The following PSMA1 variants were observed in gnomAD, a reference collection of about 807,000 sequenced individuals.
PSMA1 encodes proteasome subunit alpha type-1.
In PSMA1, 3 loss-of-function variants were observed where a neutral mutation model predicts 38.4. The observed-to-expected ratio is 0.08, with a 90% CI of 0.04 to 0.20. PSMA1 has a LOEUF of 0.20. PSMA1 is among the 10% of genes least tolerant of loss of function. The pLI is 1.00. For missense variants in PSMA1, 227 were observed against 325.3 expected, an observed-to-expected ratio of 0.70 and a Z score of 2.32; for synonymous variants, 101 against 107.1, an observed-to-expected ratio of 0.94 and a Z score of 0.35.
chr11:14,605,296 G>T (rs1161701536), intron 2 of PSMA1, among the ~76,000 whole-genome samples: 1 of 152,162 alleles, frequency 6.6e-6, no homozygotes, highest in Non-Finnish European at 1.5e-5. Flanking sequence ...TTTCTCTGAG[G>T]ATAGCGATGT....
At chr11:14,638,562 TA>T (rs1853149011) in intron 1 of PSMA1, among the ~76,000 whole-genome samples, 1 of 14,718 alleles carries the variant, frequency 6.8e-5, no homozygotes, top group African/African-American at 2.2e-4. Context: ...TATATATATA[TA>T]TATATATATA....
At chr11:14,559,294 T>G (rs1262980734) in intron 2 of PSMA1, among the ~76,000 whole-genome samples, 2 of 152,094 alleles carry the variant, frequency 1.3e-5, no homozygotes, top group Non-Finnish European at 2.9e-5. Context: ...AAGTTGAAGA[T>G]GTAGTGGGTT....
intron 1 of PSMA1, chr11:14,520,014 C>T: frequency 1.8e-6 from 1 of 563,616 alleles, no homozygotes; most frequent in South Asian, 2.1e-5. Flanking sequence ...TCAGAATCTA[C>T]TCCACTGAAG....
At chr11:14,608,181 T>A (rs1852665634) in intron 2 of PSMA1, among the ~76,000 whole-genome samples, 1 of 152,026 alleles carries the variant, frequency 6.6e-6, no homozygotes. Context: ...TGAGACTTCA[T>A]CTCTACAAAA....
chr11:14,554,582 T>C (rs543993006), intron 2 of PSMA1, among the ~76,000 whole-genome samples: 2 of 152,164 alleles, frequency 1.3e-5, no homozygotes, highest in Non-Finnish European at 2.9e-5. Flanking sequence ...TTTTCTCCAT[T>C]GAATTTTTTT....
At chr11:14,593,652 GAGAGAGA>G (rs1565053239) in intron 2 of PSMA1, among the ~76,000 whole-genome samples, 6 of 149,540 alleles carry the variant, frequency 4.0e-5, no homozygotes, top group African/African-American at 1.5e-4. Flanking sequence ...GAGAGAGAGA[GAGAGAGA>G]GAGCGCCAGC....
At chr11:14,540,877 A>C (rs1464817671) in intron 2 of PSMA1, among the ~76,000 whole-genome samples, 1 of 152,094 alleles carries the variant, frequency 6.6e-6, no homozygotes, top group African/African-American at 2.4e-5. Flanking sequence ...CCTGGTATGA[A>C]AAATGTTATA....
At chr11:14,640,750 T>C (rs1853189234) in intron 1 of PSMA1, among the ~76,000 whole-genome samples, 1 of 152,208 alleles carries the variant, frequency 6.6e-6, no homozygotes, top group South Asian at 2.1e-4. Context: ...AGGTCGTAAA[T>C]GTTAATTATT....
intron 1 of PSMA1, among the ~76,000 whole-genome samples, chr11:14,625,849 T>C (rs1310141634): frequency 6.6e-6 from 1 of 152,246 alleles, no homozygotes; most frequent in Non-Finnish European, 1.5e-5. Context: ...GCACGTCTAA[T>C]TCTGTTTTGG....
intron 2 of PSMA1, among the ~76,000 whole-genome samples, chr11:14,599,611 C>A (rs555851253): frequency 2.0e-5 from 3 of 152,302 alleles, no homozygotes; most frequent in Admixed American, 2.0e-4. Context: ...GGTCTTCTCT[C>A]TGCTGTTTAT....
chr11:14,563,773 G>T (rs1383171447), intron 2 of PSMA1, among the ~76,000 whole-genome samples: 3 of 152,000 alleles, frequency 2.0e-5, no homozygotes, highest in Non-Finnish European at 4.4e-5. Flanking sequence ...TCTCCTAAAT[G>T]GTTCCCTATT....
chr11:14,569,545 G>A (rs1006027001), intron 2 of PSMA1, among the ~76,000 whole-genome samples: 1 of 152,134 alleles, frequency 6.6e-6, no homozygotes, highest in Non-Finnish European at 1.5e-5. Context: ...TTAGCAAATG[G>A]CACACCAGAG....
At chr11:14,636,779 C>T (rs769432172) in intron 1 of PSMA1, among the ~76,000 whole-genome samples, 1 of 152,236 alleles carries the variant, frequency 6.6e-6, no homozygotes, top group Non-Finnish European at 1.5e-5. Flanking sequence ...GAACCCTCTT[C>T]ACAGTCTCCT....
At chr11:14,606,398 CA>C (rs1343613786) in intron 2 of PSMA1, among the ~76,000 whole-genome samples, 2 of 145,150 alleles carry the variant, frequency 1.4e-5, no homozygotes, top group Non-Finnish European at 3.0e-5. Flanking sequence ...GTCTAAGCTA[CA>C]GAGTGAGACC....
intron 2 of PSMA1, among the ~76,000 whole-genome samples, chr11:14,539,874 A>AG (rs1273196368): frequency 2.6e-5 from 4 of 151,544 alleles, no homozygotes. Flanking sequence ...GAAAAAAAAA[A>AG]CAACAACAGG....
chr11:14,537,380 T>A (rs1377813773), intron 2 of PSMA1, among the ~76,000 whole-genome samples: 2 of 152,224 alleles, frequency 1.3e-5, no homozygotes, highest in Non-Finnish European at 2.9e-5. Context: ...CAAGTGAATT[T>A]ACATTCACCT....
intron 2 of PSMA1, among the ~76,000 whole-genome samples, chr11:14,546,648 G>A (rs905652626): frequency 1.3e-5 from 2 of 152,114 alleles, no homozygotes; most frequent in African/African-American, 2.4e-5. Flanking sequence ...ATGTTGGCCA[G>A]GCTGGTCTCG....
At chr11:14,626,027 T>C (rs1024457108) in intron 1 of PSMA1, among the ~76,000 whole-genome samples, 4 of 152,148 alleles carry the variant, frequency 2.6e-5, no homozygotes, top group African/African-American at 9.7e-5. Context: ...AACTGTTTTC[T>C]GCAAATGCCA....
At chr11:14,572,765 T>C (rs920756520) in intron 2 of PSMA1, among the ~76,000 whole-genome samples, 2 of 151,912 alleles carry the variant, frequency 1.3e-5, no homozygotes, top group African/African-American at 4.8e-5. Context: ...GATAGACTGA[T>C]AGCAAGACTA....
Sources: allele counts gnomAD v4.1 joint callset (sites outside exome capture counted in the v4.1 genomes callset), GRCh38; gene constraint gnomAD v4.1.1; transcripts MANE v1.5; gene names NCBI Gene and HGNC (gene_info 2026-07-23, HGNC 2026-07-21).